The following PDCD11 variants were observed in gnomAD, a reference collection of about 807,000 sequenced individuals.
The protein encoded by PDCD11 is protein RRP5 homolog.
Under a neutral mutation model 198.9 loss-of-function variants are expected in PDCD11, and 97 were observed. The ratio of observed to expected loss-of-function variants is 0.49; its 90% CI spans 0.41 to 0.58. The LOEUF is 0.58. PDCD11 is among the 20% of genes least tolerant of loss of function. The pLI is 0.00. For synonymous variants in PDCD11, 893 were observed against 918.0 expected (o/e 0.97, Z 0.49); for missense variants, 2,102 against 2,312.7 (o/e 0.91, Z 1.87).
At chr10:103,412,229 T>G (rs528821683) in intron 8 of PDCD11, among the ~76,000 whole-genome samples, 5 of 152,072 alleles carry the variant, frequency 3.3e-5, no homozygotes, top group Non-Finnish European at 7.3e-5. Flanking sequence ...GGCACAGTGT[T>G]GGCTCACTGC....
At position 103,422,290 on chromosome 10, in the gene PDCD11, A is replaced by C. The variant is rs559540537; in HGVS notation, c.2498-698A>C. Among the ~76,000 whole-genome samples, 102 of 151,892 alleles carry C rather than the reference A, an allele frequency of 6.7e-4. 3 individuals carry two copies. Among genetic ancestry groups the C allele is most frequent in the Non-Finnish European group, 1.4e-3 (93 of 67,978 alleles). ...AAGACAGGGTTTCGCCATGTTGGCC[A>C]GGCTGGTCTCGAACTCCTGACCTCA... On this transcript the variant is annotated intron_variant, in intron 17 of 35. Coordinates refer to ENST00000369797, the MANE Select transcript of PDCD11 (RefSeq NM_014976.2).
rs760309945 is a variant in PDCD11 at position 103,438,029 on chromosome 10, C to G, written c.3860C>G (p.Ser1287Cys). 6.2e-7 allele frequency: 1 copy of G among 1,613,456 alleles called. No individual in the cohort carries two copies. Among genetic ancestry groups the G allele is most frequent in the Admixed American group, 1.7e-5 (1 of 60,020 alleles). The change falls in exon 26 of 36, where the codon TCC becomes TGC. Residue 1287 changes from serine to cysteine, a missense_variant. Physicochemically the swap from Ser to Cys is moderately radical, Grantham distance 112. Coordinates refer to ENST00000369797, the MANE Select transcript of PDCD11 (RefSeq NM_014976.2). The stretch of plus-strand genomic sequence containing the variant: ...CCTTCATTCAGATGTTACATCCTGT[C>G]CACTGCAGACAACGTATTGACTTTG... ...PQKVVRCYIL[S>C]TADNVLTLSL...
Position 103,404,224 on chromosome 10 carries a change from AATG to A in PDCD11, c.403-795_403-793del, listed in dbSNP as rs529875401. Among the ~76,000 whole-genome samples, 103 of 145,060 alleles carry A rather than the reference AATG, an allele frequency of 7.1e-4. 1 individual carries two copies. Among genetic ancestry groups the A allele is most frequent in the Admixed American group, 1.9e-3 (28 of 14,590 alleles). ...GGCTGGTCTCTAACTCCTGACCTCA[AATG>A]ATCCACCCGCCTCGGCCTCCCAGAG... On this transcript the variant is annotated intron_variant, in intron 4 of 35. Transcript: ENST00000369797.
At position 103,415,101 on chromosome 10, in the gene PDCD11, A is replaced by C. The variant is rs1442787582; in HGVS notation, c.1468A>C (p.Met490Leu). Residue 490 changes from methionine (M) to leucine (L), a missense_variant, in exon 12 of 36, where the codon ATG (methionine) becomes CTG (leucine). Transcript: ENST00000369797. ...VPPMHLADIL[M>L]KNPEKKYHIG... ...TCCCATGCACCTGGCTGACATCCTGATGAAGAATCCGGAGAAGAAGTACCA... is the reference window on the plus strand; with the variant it reads ...TCCCATGCACCTGGCTGACATCCTGCTGAAGAATCCGGAGAAGAAGTACCA... The C allele has an allele frequency of 8.1e-6, 13 of 1,614,068 alleles. No homozygotes were observed. Among genetic ancestry groups the C allele is most frequent in the Non-Finnish European group, 1.1e-5 (13 of 1,180,046 alleles).
intron 4 of PDCD11, among the ~76,000 whole-genome samples, chr10:103,403,920 G>A (rs1307981244): frequency 1.3e-5 from 2 of 152,178 alleles, no homozygotes; most frequent in African/African-American, 2.4e-5. Flanking sequence ...TGTTTTGCAT[G>A]ATTTGATGCT....
rs2032579695 is a variant in PDCD11 at position 103,445,643 on chromosome 10, C to CT, written c.*95dup. 1 of 999,790 alleles carries CT rather than the reference C, an allele frequency of 1.0e-6. No homozygotes were observed. Among genetic ancestry groups the CT allele is most frequent in the Admixed American group, 2.7e-5 (1 of 37,712 alleles). 61.9% of individuals were successfully genotyped at this position (999,790 alleles called of 1,614,324 possible). ...CTCGGAAAACTGTTACCTCAGGACT[C>CT]TATTTAAATGCTGCTTTTTCTGCAG... On this transcript the variant is annotated 3_prime_UTR_variant, in exon 36 of 36. Transcript: ENST00000369797.
rs780402155 is a variant in PDCD11, at chr10:103,441,879, C to A, written c.4611C>A (p.Phe1537Leu). Residue 1537 changes from phenylalanine (F) to leucine (L), a missense_variant, in exon 31 of 36, where the codon TTC becomes TTA. Coordinates refer to ENST00000369797, the MANE Select transcript of PDCD11 (RefSeq NM_014976.2). The part of the protein sequence containing the change: ...EAPRLQLSSG[F>L]AWNVGLDSLT... ...CCCGGCTGCAGCTGTCTTCAGGCTT[C>A]GCTTGGAATGTGGGACTAGACTCTC... The A allele has an allele frequency of 1.2e-6, 2 of 1,614,064 alleles. No homozygotes were observed. Among genetic ancestry groups the A allele is most frequent in the Non-Finnish European group, 1.7e-6 (2 of 1,180,024 alleles).
At chr10:103,421,716 G>A in intron 17 of PDCD11, 149 bp downstream of exon 17, 1 of 592,086 alleles carries the variant, frequency 1.7e-6, no homozygotes, top group East Asian at 3.0e-5. Flanking sequence ...TGTAATCCCA[G>A]CACTTTGGGA....
chr10:103,434,170 T>C (rs191460820), intron 23 of PDCD11, 78 bp from the exon 24 acceptor site: 1 of 1,220,100 alleles, frequency 8.2e-7, no homozygotes, highest in Non-Finnish European at 1.2e-6. Flanking sequence ...GATACTTGCT[T>C]TGGAGACTTA....
At chr10:103,437,260 G>T (rs1021115179) in intron 25 of PDCD11, among the ~76,000 whole-genome samples, 9 of 152,012 alleles carry the variant, frequency 5.9e-5, no homozygotes, top group African/African-American at 2.2e-4. Context: ...TCTGTCCTCA[G>T]CCTCCCAAGT....
At chr10:103,405,338 T>C in intron 5 of PDCD11, 155 bp downstream of exon 5, 1 of 629,032 alleles carries the variant, frequency 1.6e-6, no homozygotes, top group Non-Finnish European at 2.8e-6. Flanking sequence ...CTTTGGGCAC[T>C]TAATGGACAT....
At chr10:103,411,123 C>T (rs2030779710) in intron 8 of PDCD11, among the ~76,000 whole-genome samples, 1 of 151,808 alleles carries the variant, frequency 6.6e-6, no homozygotes, top group African/African-American at 2.4e-5. Context: ...CGCCATGTTG[C>T]CCAGACTGGT....
rs929486061 is a variant in PDCD11 at position 103,442,086 on chromosome 10, G to A, written c.4707+111G>A. On this transcript the variant is annotated intron_variant, in intron 31 of 35. Coordinates refer to ENST00000369797, the MANE Select transcript of PDCD11 (RefSeq NM_014976.2). ...CTGGGTGAGTGGGGGAGGGGGCAGCGGCCAGTCCCAGGCCAGGGGGTATAT... is the reference window on the plus strand; with the variant it reads ...CTGGGTGAGTGGGGGAGGGGGCAGCAGCCAGTCCCAGGCCAGGGGGTATAT... 2.4e-5 allele frequency: 37 copies of A among 1,548,784 alleles called. 1 individual carries two copies. The highest frequency in any genetic ancestry group is 1.7e-4 in the Middle Eastern group (1 of 5,814).
intron 18 of PDCD11, 25 bp downstream of exon 18, chr10:103,423,162 G>T (rs368497644): frequency 2.0e-6 from 3 of 1,521,466 alleles, no homozygotes; most frequent in African/African-American, 2.8e-5. Context: ...CTTACCCATT[G>T]TGGTTGGTGG....
chr10:103,444,085 A>G lies in PDCD11; in HGVS notation c.5278+17A>G. ...GCAAGGAGCGTGAGTGCTCATTCCC[A>G]GCTCCTGAGCCCATGAGCACTCCAG... On this transcript the variant is annotated intron_variant, in intron 34 of 35. Transcript: ENST00000369797. 6.2e-7 allele frequency: 1 copy of G among 1,606,138 alleles called. No individual in the cohort carries two copies.
intron 21 of PDCD11, among the ~76,000 whole-genome samples, chr10:103,429,014 A>G (rs1010512283): frequency 2.0e-5 from 3 of 152,236 alleles, no homozygotes; most frequent in Admixed American, 6.5e-5. Context: ...TTTAAAATAA[A>G]TATTTTGAAG....
At chr10:103,441,574 C>G (rs150154595) in intron 30 of PDCD11, among the ~76,000 whole-genome samples, 1 of 152,108 alleles carries the variant, frequency 6.6e-6, no homozygotes, top group East Asian at 1.9e-4. Context: ...ATTTTATATA[C>G]TGGTATGCAT....
At chr10:103,413,532 A>G (rs577133208) in intron 9 of PDCD11, among the ~76,000 whole-genome samples, 34 of 152,334 alleles carry the variant, frequency 2.2e-4, no homozygotes, top group Non-Finnish European at 2.2e-4. Flanking sequence ...TACTTGGTTA[A>G]TAGTTAAGTA....
In PDCD11 at chr10:103,443,935, C is replaced by A. The variant is rs1241506253; in HGVS notation, c.5145C>A (p.Asn1715Lys). ...CACAGGAAGCTGGTGAACTCTACAA[C>A]CGGATGCTGAAGCGTTTCCGGCAGG... ...EKFQEAGELYNRMLKRFRQEK... is the reference protein window; with the variant it reads ...EKFQEAGELYKRMLKRFRQEK... The change falls in exon 34 of 36, where the codon AAC becomes AAA. Residue 1715 changes from asparagine (N) to lysine (K), a missense_variant. Coordinates refer to ENST00000369797, the MANE Select transcript of PDCD11 (RefSeq NM_014976.2). The A allele has an allele frequency of 6.2e-7, 1 of 1,614,084 alleles. No homozygotes were observed. The highest frequency in any genetic ancestry group is 8.5e-7 in the Non-Finnish European group (1 of 1,180,034).
Sources: allele counts gnomAD v4.1 joint callset (sites outside exome capture counted in the v4.1 genomes callset), GRCh38; gene constraint gnomAD v4.1.1; transcripts MANE v1.5; gene names NCBI Gene and HGNC (gene_info 2026-07-23, HGNC 2026-07-21).